The following ZNF446 variants were observed in gnomAD, a reference collection of about 807,000 sequenced individuals.
ZNF446 encodes the protein zinc finger protein with KRAB and SCAN domains 20.
ZNF446 carries 42 observed loss-of-function variants against 34.0 expected under a neutral mutation model. The ratio of observed to expected loss-of-function variants is 1.23; its 90% CI spans 0.96 to 1.60. ZNF446 has a LOEUF of 1.60. ZNF446 is among the 40% of genes most tolerant of loss of function. ZNF446 has a pLI of 0.00. For synonymous variants in ZNF446, 315 were observed against 251.0 expected (o/e 1.25, Z -2.41); for missense variants, 650 against 600.2 (o/e 1.08, Z -0.87).
At chr19:58,485,059 AAAG>A (rs2053162065), downstream of ZNF446, among the ~76,000 whole-genome samples, 2 of 152,132 alleles carry the variant, frequency 1.3e-5, no homozygotes, top group Admixed American at 6.6e-5. Context: ...AGAAAAATAA[AAAG>A]AAGCACATTT....
chr19:58,484,000 C>T (rs1244002472), downstream of ZNF446, among the ~76,000 whole-genome samples: 2 of 152,152 alleles, frequency 1.3e-5, no homozygotes, highest in African/African-American at 4.8e-5. Context: ...ACTACTGTGG[C>T]TATTTCTGTA....
downstream of ZNF446, among the ~76,000 whole-genome samples, chr19:58,483,146 G>A (rs1326150650): frequency 2.7e-5 from 4 of 149,908 alleles, no homozygotes; most frequent in African/African-American, 9.9e-5. Context: ...ACGAGTTCAA[G>A]ACCAATCTGG....
chr19:58,477,924 G>A (rs2053103654), intron 3 of ZNF446, 98 bp downstream of exon 3: 1 of 1,362,128 alleles, frequency 7.3e-7, no homozygotes, highest in Non-Finnish European at 9.8e-7. Context: ...TCAAGGCTGG[G>A]ACTCCTGAAG....
chr19:58,476,997 C>G (rs1307951035), intron 1 of ZNF446, among the ~76,000 whole-genome samples, 182 bp from the exon 2 acceptor site: 5 of 152,124 alleles, frequency 3.3e-5, no homozygotes, highest in Non-Finnish European at 7.4e-5. Flanking sequence ...TCCTCCTGCT[C>G]TCATTTGCCA....
Position 58,479,652 on chromosome 19 carries a change from G to A in ZNF446, c.637G>A (p.Gly213Arg). 1 of 1,613,798 alleles carries A rather than the reference G, an allele frequency of 6.2e-7. No individual in the cohort carries two copies. Among genetic ancestry groups the A allele is most frequent in the Non-Finnish European group, 8.5e-7 (1 of 1,179,928 alleles). Reference sequence around the variant, plus strand: ...TGGGCCACATCCGCAGGAGGAGTGGGGGCTGCTGGACCGGTCACAGAAGGA... The same window carrying A: ...TGGGCCACATCCGCAGGAGGAGTGGAGGCTGCTGGACCGGTCACAGAAGGA... ...FHPPRIQEEW[G>R]LLDRSQKELY... The change falls in exon 5 of 7, where the codon GGG (glycine) becomes AGG (arginine). Residue 213 changes from glycine (G) to arginine (R), a missense_variant. Coordinates refer to ENST00000594369, the MANE Select transcript of ZNF446 (RefSeq NM_017908.4).
At chr19:58,479,541 G>T (rs375486296) in intron 4 of ZNF446, 102 bp from the exon 5 acceptor site, 3 of 1,261,974 alleles carry the variant, frequency 2.4e-6, no homozygotes, top group Non-Finnish European at 3.3e-6. Context: ...CAGATGAGGC[G>T]TAGGTAACCT....
At chr19:58,482,582 G>C (rs887004496), downstream of ZNF446, among the ~76,000 whole-genome samples, 2 of 152,196 alleles carry the variant, frequency 1.3e-5, no homozygotes, top group African/African-American at 4.8e-5. Flanking sequence ...TGCGACTGTG[G>C]TTACCCCAGG....
the ZNF446 span, among the ~76,000 whole-genome samples, chr19:58,486,964 A>G: frequency 1.4e-4 from 21 of 149,928 alleles, no homozygotes; most frequent in Middle Eastern, 3.6e-3. Flanking sequence ...CACCACACCC[A>G]GCTAATTTTT....
In ZNF446 at chr19:58,481,108, A is replaced by T. The variant is rs1434609912; in HGVS notation, c.*382A>T. On this transcript the variant is annotated 3_prime_UTR_variant, in exon 7 of 7. Coordinates refer to ENST00000594369, the MANE Select transcript of ZNF446 (RefSeq NM_017908.4). ...ACTGTGCCTTCCCACTCGTCTGTGCAGAGGCTGGGCCTGAGGTCTCAGTGT... is the reference window on the plus strand; with the variant it reads ...ACTGTGCCTTCCCACTCGTCTGTGCTGAGGCTGGGCCTGAGGTCTCAGTGT... 4.1e-6 allele frequency: 1 copy of T among 241,416 alleles called. No homozygotes were observed. Among genetic ancestry groups the T allele is most frequent in the Non-Finnish European group, 8.2e-6 (1 of 122,260 alleles). 15.0% of individuals were successfully genotyped at this position (241,416 alleles called of 1,614,324 possible).
rs1279739934 is a variant in ZNF446 at position 58,477,587 on chromosome 19, G to A, written c.342+27G>A. On this transcript the variant is annotated intron_variant, in intron 2 of 6. Coordinates refer to ENST00000594369, the MANE Select transcript of ZNF446 (RefSeq NM_017908.4). ...TGAGTGTGGCTGGCATCAGCTTCTT[G>A]GAGGGATAGACCCTGGCTAGAGCCA... is the stretch of plus-strand genomic sequence containing the variant. 9 of 1,612,998 alleles carry A rather than the reference G, an allele frequency of 5.6e-6. No homozygotes were observed. In the South Asian group the frequency reaches 6.6e-5, roughly 12 times the overall value.
chr19:58,486,949 C>CCG, the ZNF446 span, among the ~76,000 whole-genome samples: 1 of 151,496 alleles, frequency 6.6e-6, no homozygotes, highest in Non-Finnish European at 1.5e-5. Flanking sequence ...ACTACAGGTG[C>CCG]CCGCCACCAC....
chr19:58,480,970 C>T lies in ZNF446; in HGVS notation c.*244C>T. The stretch of plus-strand genomic sequence containing the variant: ...GTCTGGGTTCCCTTCTATGGCTGAC[C>T]AGTGCCTGTGGGGTGACTGCCAAGC... On this transcript the variant is annotated 3_prime_UTR_variant, in exon 7 of 7. Coordinates refer to ENST00000594369, the MANE Select transcript of ZNF446 (RefSeq NM_017908.4). This position sits in a 1 kb window ranked among gnomAD's most constrained non-coding sequence, Gnocchi z 7.2. The T allele has an allele frequency of 1.8e-6, 1 of 556,388 alleles. No homozygotes were observed. Among genetic ancestry groups the T allele is most frequent in the Non-Finnish European group, 3.2e-6 (1 of 313,226 alleles). The allele number at this position is 556,388 out of a possible 1,614,324, so 34.5% of individuals were successfully genotyped here.
chr19:58,479,638 C>T lies in ZNF446; in HGVS notation c.628-5C>T, dbSNP rs187053272. 4.2e-5 allele frequency: 67 copies of T among 1,613,466 alleles called. No homozygotes were observed. The Admixed American group carries it at 5.5e-4, about 13-fold the overall frequency. ...GACGCCTACAGTGATGGGCCACATC[C>T]GCAGGAGGAGTGGGGGCTGCTGGAC... On this transcript the variant is annotated splice_region_variant and splice_polypyrimidine_tract_variant and intron_variant, in intron 4 of 6. Coordinates refer to ENST00000594369, the MANE Select transcript of ZNF446 (RefSeq NM_017908.4).
intron 4 of ZNF446, 112 bp downstream of exon 4, chr19:58,478,293 C>T (rs1021511227): frequency 3.6e-5 from 34 of 956,834 alleles, no homozygotes; most frequent in Non-Finnish European, 5.0e-5. Context: ...CTCTTTGCTT[C>T]CCAGAAGTGG....
downstream of ZNF446, among the ~76,000 whole-genome samples, chr19:58,481,918 T>C (rs907395972): frequency 9.2e-5 from 14 of 152,228 alleles, no homozygotes; most frequent in East Asian, 2.5e-3. Flanking sequence ...CTCAACCTCC[T>C]GAGTAGCTGG....
At chr19:58,487,968 C>T in the ZNF446 span, among the ~76,000 whole-genome samples, 2 of 152,254 alleles carry the variant, frequency 1.3e-5, no homozygotes, top group African/African-American at 4.8e-5. Context: ...TCAGAGAAAC[C>T]CCAGCACTGT....
downstream of ZNF446, among the ~76,000 whole-genome samples, chr19:58,483,295 G>A (rs1273609086): frequency 6.6e-6 from 1 of 152,136 alleles, no homozygotes; most frequent in Non-Finnish European, 1.5e-5. Flanking sequence ...ACACCAGCCT[G>A]GCCAACATGG....
In ZNF446 at chr19:58,480,509, T is replaced by C; in HGVS notation, c.1136T>C (p.Val379Ala). 1 of 1,611,326 alleles carries C rather than the reference T, an allele frequency of 6.2e-7. No homozygotes were observed. The highest frequency in any genetic ancestry group is 8.5e-7 in the Non-Finnish European group (1 of 1,179,436). Residue 379 changes from valine to alanine, a missense_variant, in exon 7 of 7, where the codon GTG becomes GCG. Coordinates refer to ENST00000594369, the MANE Select transcript of ZNF446 (RefSeq NM_017908.4). This position sits in a 1 kb window ranked among gnomAD's most constrained non-coding sequence, Gnocchi z 7.2. ...ACAGAGAAGCCACCACAAGGGGAGG[T>C]GGCCTTTCCGCACCACCCCCGACGC... ...ESTEKPPQGEVAFPHHPRRSL... is the reference protein window; with the variant it reads ...ESTEKPPQGEAAFPHHPRRSL...
rs766534460 is a variant in ZNF446, at chr19:58,480,008, G to A, written c.791G>A (p.Ser264Asn). The A allele has an allele frequency of 6.3e-7, 1 of 1,583,694 alleles. No homozygotes were observed. The highest frequency in any genetic ancestry group is 1.1e-5 in the South Asian group (1 of 87,160). The change falls in exon 6 of 7, where the codon AGC becomes AAC. Residue 264 changes from serine to asparagine, a missense_variant. By Grantham distance (46) the Ser-to-Asn change is conservative (BLOSUM62 1). Coordinates refer to ENST00000594369, the MANE Select transcript of ZNF446 (RefSeq NM_017908.4). The surrounding 1 kb of genome is among the most constrained non-coding windows in gnomAD (Gnocchi z 7.2). ...MLLTGTGVCR[S>N]LRSGNESEGP... is the part of the protein sequence containing the mutation. ...CTCACGGGGACAGGCGTCTGCAGAA[G>A]CCTGCGCTCGGGTGAGTGCCCCACA...
Sources: gnomAD v4.1 joint callset for allele counts (sites outside exome capture counted in the v4.1 genomes callset) on GRCh38, gnomAD v4.1.1 for gene constraint, Gnocchi (gnomAD v3.1) non-coding constraint, MANE v1.5 for transcripts, NCBI Gene and HGNC (gene_info 2026-07-23, HGNC 2026-07-21) for gene names.